MTUS2: variants seen among roughly 807,000 people sequenced by gnomAD.
MTUS2 encodes microtubule-associated tumor suppressor candidate 2.
A neutral mutation model predicts 114.1 loss-of-function variants in MTUS2; 40 were observed. That is an observed-to-expected ratio of 0.35 (90% confidence interval 0.27 to 0.46). MTUS2 has a LOEUF of 0.46. Among genes scored for constraint, MTUS2 ranks in the 20% least tolerant of loss-of-function variants. The pLI is 1.00. For missense variants in MTUS2, 1,679 were observed against 1,705.4 expected, an observed-to-expected ratio of 0.98 and a Z score of 0.27; for synonymous variants, 688 against 672.0, an observed-to-expected ratio of 1.02 and a Z score of -0.37.
chr13:29,413,387 G>A (rs1875410601), intron 8 of MTUS2, among the ~76,000 whole-genome samples: 1 of 150,832 alleles, frequency 6.6e-6, no homozygotes, highest in Non-Finnish European at 1.5e-5. Context: ...TCAGGACATA[G>A]GCGTGGGCAA....
chr13:29,299,688 A>T (rs1566117141), intron 6 of MTUS2, among the ~76,000 whole-genome samples: 1 of 152,172 alleles, frequency 6.6e-6, no homozygotes, highest in Non-Finnish European at 1.5e-5. Context: ...CAGGTTAATG[A>T]CATGAGTTGT....
intron 2 of MTUS2, among the ~76,000 whole-genome samples, chr13:29,011,688 C>T (rs1036541480): frequency 6.6e-6 from 1 of 152,152 alleles, no homozygotes; most frequent in African/African-American, 2.4e-5. Flanking sequence ...ATATTCCAAG[C>T]CTGCTGATCC....
At chr13:29,015,563 C>T (rs545726088) in intron 2 of MTUS2, among the ~76,000 whole-genome samples, 3 of 152,118 alleles carry the variant, frequency 2.0e-5, no homozygotes, top group Non-Finnish European at 4.4e-5. Context: ...ATGTGCATAC[C>T]CGTTAACACA....
In MTUS2 at chr13:29,024,316, A is replaced by G. The variant is rs112051412; in HGVS notation, c.-242-141A>G. 547 of 212,790 alleles carry G rather than the reference A, an allele frequency of 2.6e-3. 2 individuals carry two copies. Among genetic ancestry groups the G allele is most frequent in the African/African-American group, 0.012 (511 of 43,970 alleles). 13.2% of individuals were successfully genotyped at this position (212,790 alleles called of 1,614,324 possible). On this transcript the variant is annotated intron_variant, in intron 2 of 15. Transcript: ENST00000612955. ...TTGTATTTGGCCAGGAGGAGCCCTG[A>G]TCAGAAAGGTTTTTTGAGAAAACTA...
At chr13:29,390,764 GA>G (rs1873381439) in intron 8 of MTUS2, among the ~76,000 whole-genome samples, 1 of 149,776 alleles carries the variant, frequency 6.7e-6, no homozygotes, top group Admixed American at 6.6e-5. Context: ...TGGTGATGAT[GA>G]TGATGATGAT....
chr13:29,175,368 C>G (rs1467650116), intron 5 of MTUS2, among the ~76,000 whole-genome samples: 1 of 152,166 alleles, frequency 6.6e-6, no homozygotes, highest in Non-Finnish European at 1.5e-5. Flanking sequence ...CTGTCTGTCC[C>G]TTCATAATCA....
At chr13:28,904,866 T>C (rs1043206729) in intron 2 of MTUS2, among the ~76,000 whole-genome samples, 1 of 152,054 alleles carries the variant, frequency 6.6e-6, no homozygotes, top group African/African-American at 2.4e-5. Flanking sequence ...TTTCATGATA[T>C]TGATTCTTCC....
intron 5 of MTUS2, among the ~76,000 whole-genome samples, chr13:29,261,528 C>T (rs538859911): frequency 3.5e-4 from 53 of 152,316 alleles, no homozygotes; most frequent in Non-Finnish European, 7.1e-4. Context: ...AATCAGATCT[C>T]TGACACAGAA....
intron 5 of MTUS2, among the ~76,000 whole-genome samples, chr13:29,263,145 C>T (rs1269376133): frequency 6.6e-6 from 1 of 152,196 alleles, no homozygotes; most frequent in African/African-American, 2.4e-5. Flanking sequence ...ATATGGCACT[C>T]TTATTACTGT....
intron 5 of MTUS2, among the ~76,000 whole-genome samples, chr13:29,157,135 C>T (rs185735219): frequency 2.6e-5 from 4 of 152,248 alleles, no homozygotes; most frequent in Admixed American, 6.5e-5. Context: ...GTGGGTATCT[C>T]GGTTTGTTTC....
chr13:28,820,663 C>G (rs1378559598), intron 1 of MTUS2, 52 bp downstream of exon 1: 2 of 152,166 alleles, frequency 1.3e-5, no homozygotes, highest in Non-Finnish European at 2.9e-5. Context: ...GCTCTGCTGC[C>G]GCCCTCTGGA....
Position 29,480,837 on chromosome 13 carries a change from CATGT to C in MTUS2, c.3399+479_3399+482del, listed in dbSNP as rs1240669737. Among the ~76,000 whole-genome samples, 1 of 152,142 alleles carries C rather than the reference CATGT, an allele frequency of 6.6e-6. No individual in the cohort carries two copies. The highest frequency in any genetic ancestry group is 1.5e-5 in the Non-Finnish European group (1 of 68,040). The stretch of plus-strand genomic sequence containing the variant: ...GAGGGCAGAGAGAATAACAAGCAAA[CATGT>C]ATGTAGCACTCGTCCTACACCAGAC... On this transcript the variant is annotated intron_variant, in intron 10 of 15. Transcript: ENST00000612955. This position sits in a 1 kb window ranked among gnomAD's most constrained non-coding sequence, Gnocchi z 4.4.
At position 29,026,012 on chromosome 13, in the gene MTUS2, T is replaced by G. The variant is rs1387908159; in HGVS notation, c.1314T>G (p.Ala438=). 6.2e-7 allele frequency: 1 copy of G among 1,613,898 alleles called. No individual in the cohort carries two copies. Among genetic ancestry groups the G allele is most frequent in the African/African-American group, 1.3e-5 (1 of 74,922 alleles). ...SSFSPGDSHV[A]FIPNNLTDSK... Reference sequence around the variant, plus strand: ...TTTCACCAGGTGACAGTCATGTGGCTTTTATTCCTAATAATCTGACTGACA... The same window carrying G: ...TTTCACCAGGTGACAGTCATGTGGCGTTTATTCCTAATAATCTGACTGACA... The change falls in exon 3 of 16, where the codon GCT becomes GCG. Residue 438 remains alanine, a synonymous_variant. Coordinates refer to ENST00000612955, the MANE Select transcript of MTUS2 (RefSeq NM_001033602.4).
chr13:29,102,146 T>C (rs1347332606), intron 5 of MTUS2, among the ~76,000 whole-genome samples: 1 of 152,202 alleles, frequency 6.6e-6, no homozygotes, highest in Non-Finnish European at 1.5e-5. Context: ...GAAACATGAA[T>C]GTAATAAAGA....
chr13:29,395,462 C>T (rs1873840461), intron 8 of MTUS2, among the ~76,000 whole-genome samples: 1 of 152,110 alleles, frequency 6.6e-6, no homozygotes, highest in Middle Eastern at 3.4e-3. Context: ...CCTTGATTGT[C>T]AGTCTGCACA....
At chr13:29,301,241 C>T (rs35603157) in intron 6 of MTUS2, among the ~76,000 whole-genome samples, 4,413 of 152,278 alleles carry the variant, frequency 0.029, 76 homozygotes, top group East Asian at 0.073. Flanking sequence ...TAGGACCCTG[C>T]AGCAGCTCTC....
chr13:29,362,301 T>C (rs927124726), intron 8 of MTUS2, among the ~76,000 whole-genome samples: 1 of 152,282 alleles, frequency 6.6e-6, no homozygotes, highest in South Asian at 2.1e-4. Flanking sequence ...GGCACTTTTT[T>C]AACAAATATT....
chr13:29,458,937 G>A (rs965669095), intron 9 of MTUS2, among the ~76,000 whole-genome samples: 3 of 152,248 alleles, frequency 2.0e-5, no homozygotes, highest in African/African-American at 7.2e-5. Flanking sequence ...AACGGCATCA[G>A]GGACTCATCG....
At chr13:29,065,301 G>A (rs1008314620) in intron 4 of MTUS2, among the ~76,000 whole-genome samples, 4 of 152,058 alleles carry the variant, frequency 2.6e-5, no homozygotes, top group African/African-American at 9.7e-5. Context: ...CTTATTTTTT[G>A]ACTTGTTAGT....
Sources: gnomAD v4.1 joint callset for allele counts (sites outside exome capture counted in the v4.1 genomes callset) on GRCh38, gnomAD v4.1.1 for gene constraint, Gnocchi (gnomAD v3.1) non-coding constraint, MANE v1.5 for transcripts, NCBI Gene and HGNC (gene_info 2026-07-23, HGNC 2026-07-21) for gene names.